The following ROR1 variants were observed in gnomAD, a reference collection of about 807,000 sequenced individuals.
ROR1 encodes inactive tyrosine-protein kinase transmembrane receptor ROR1.
In ROR1, 19 loss-of-function variants were observed where a neutral mutation model predicts 78.8. The observed-to-expected ratio is 0.24, with a 90% CI of 0.17 to 0.35. ROR1 has a LOEUF of 0.35. ROR1 is among the 10% of genes least tolerant of loss of function. The pLI, the probability that ROR1 is intolerant of heterozygous loss-of-function variation, is 1.00. For synonymous variants in ROR1, 386 were observed against 433.6 expected, an observed-to-expected ratio of 0.89 and a Z score of 1.36; for missense variants, 917 against 1,177.8, an observed-to-expected ratio of 0.78 and a Z score of 3.24.
At chr1:64,175,448 G>T (rs1463819021) in intron 8 of ROR1, among the ~76,000 whole-genome samples, 1 of 151,894 alleles carries the variant, frequency 6.6e-6, no homozygotes, top group Non-Finnish European at 1.5e-5. Context: ...GGGACATGGA[G>T]GTCATTGATA....
chr1:63,821,848 A>G (rs1027077251), intron 1 of ROR1, among the ~76,000 whole-genome samples: 2 of 152,186 alleles, frequency 1.3e-5, no homozygotes, highest in East Asian at 1.9e-4. Context: ...TATTCATGAA[A>G]TATTATCTGA....
At chr1:63,962,029 G>T (rs1273890386) in intron 1 of ROR1, among the ~76,000 whole-genome samples, 3 of 152,132 alleles carry the variant, frequency 2.0e-5, no homozygotes, top group Non-Finnish European at 4.4e-5. Flanking sequence ...AGAGGCCCAG[G>T]CAGGAGGATC....
chr1:63,976,679 A>G (rs562076315), intron 1 of ROR1, among the ~76,000 whole-genome samples: 2 of 152,294 alleles, frequency 1.3e-5, no homozygotes, highest in South Asian at 4.1e-4. Flanking sequence ...TCACTTGGTC[A>G]TATTGCTCAT....
chr1:63,847,934 A>G (rs1193676757), intron 1 of ROR1, among the ~76,000 whole-genome samples: 1 of 152,220 alleles, frequency 6.6e-6, no homozygotes, highest in Non-Finnish European at 1.5e-5. Flanking sequence ...TGAGGTGGCT[A>G]AGTGACATCT....
chr1:64,131,623 T>C (rs1648914874), intron 4 of ROR1, among the ~76,000 whole-genome samples: 1 of 152,104 alleles, frequency 6.6e-6, no homozygotes, highest in African/African-American at 2.4e-5. Flanking sequence ...TTTGTTATCG[T>C]TATGTTTTAA....
intron 1 of ROR1, among the ~76,000 whole-genome samples, chr1:63,911,667 G>GT (rs1351223324): frequency 6.6e-6 from 1 of 151,908 alleles, no homozygotes; most frequent in Non-Finnish European, 1.5e-5. Flanking sequence ...GCTGTAGATA[G>GT]TAGATACTGT....
At chr1:64,176,593 C>A (rs1001866712) in intron 8 of ROR1, among the ~76,000 whole-genome samples, 3 of 152,200 alleles carry the variant, frequency 2.0e-5, no homozygotes, top group African/African-American at 7.2e-5. Flanking sequence ...GTGTAACCAG[C>A]CACCACACTG....
At chr1:64,031,218 T>C (rs1646657227) in intron 2 of ROR1, among the ~76,000 whole-genome samples, 1 of 152,194 alleles carries the variant, frequency 6.6e-6, no homozygotes, top group African/African-American at 2.4e-5. Flanking sequence ...CTTGGAAATA[T>C]CCATACTAAC....
chr1:64,020,789 C>T lies in ROR1; in HGVS notation c.163+11413C>T, dbSNP rs76316251. Among the ~76,000 whole-genome samples the T allele has an allele frequency of 8.1e-3, 1,236 of 152,166 alleles. 16 individuals carry two copies. Among genetic ancestry groups the T allele is most frequent in the African/African-American group, 0.028 (1,181 of 41,480 alleles). On this transcript the variant is annotated intron_variant, in intron 2 of 8. Coordinates refer to ENST00000371079, the MANE Select transcript of ROR1 (RefSeq NM_005012.4). ...GAAAGGCAGTAAAGAATTCAGCAGACGGCGAGCTCTGCAACCCGTTGCAGA... is the reference window on the plus strand; with the variant it reads ...GAAAGGCAGTAAAGAATTCAGCAGATGGCGAGCTCTGCAACCCGTTGCAGA...
chr1:63,821,323 C>T (rs987261161), intron 1 of ROR1, among the ~76,000 whole-genome samples: 4 of 152,146 alleles, frequency 2.6e-5, no homozygotes, highest in South Asian at 2.1e-4. Context: ...CCTTCCTCTT[C>T]GGTTTTCAAT....
At chr1:64,153,206 T>C (rs1206290768) in intron 7 of ROR1, among the ~76,000 whole-genome samples, 3 of 151,892 alleles carry the variant, frequency 2.0e-5, no homozygotes, top group Non-Finnish European at 4.4e-5. Flanking sequence ...GAAATGCAAA[T>C]CAAAACTCCA....
intron 2 of ROR1, among the ~76,000 whole-genome samples, chr1:64,044,341 T>TC (rs1383720041): frequency 6.6e-6 from 1 of 152,152 alleles, no homozygotes; most frequent in Admixed American, 6.5e-5. Context: ...GGCTGTTAAG[T>TC]CCTCTGAACT....
At chr1:64,144,814 T>C (rs188839086) in intron 7 of ROR1, among the ~76,000 whole-genome samples, 1 of 152,250 alleles carries the variant, frequency 6.6e-6, no homozygotes, top group East Asian at 1.9e-4. Flanking sequence ...AGGTAAACAA[T>C]AAATATATAG....
intron 1 of ROR1, among the ~76,000 whole-genome samples, chr1:63,805,400 C>G (rs910955064): frequency 6.6e-6 from 1 of 152,140 alleles, no homozygotes; most frequent in African/African-American, 2.4e-5. Context: ...AGTATAGATC[C>G]TTCCTACCTC....
chr1:63,919,083 C>T (rs1645632891), intron 1 of ROR1, among the ~76,000 whole-genome samples: 1 of 152,090 alleles, frequency 6.6e-6, no homozygotes, highest in South Asian at 2.1e-4. Flanking sequence ...GACTAAAATG[C>T]TTTGAAACAT....
chr1:64,174,906 A>T (rs1057425967), intron 8 of ROR1, among the ~76,000 whole-genome samples: 7 of 152,098 alleles, frequency 4.6e-5, no homozygotes, highest in African/African-American at 1.7e-4. Context: ...AAGCTCCCAC[A>T]AGAATACAGA....
intron 1 of ROR1, among the ~76,000 whole-genome samples, chr1:63,868,837 AC>A (rs1237280680): frequency 3.3e-5 from 5 of 152,082 alleles, no homozygotes; most frequent in Non-Finnish European, 7.4e-5. Context: ...TAGAGAAGAA[AC>A]TTTATTCAAG....
chr1:63,926,336 G>T (rs974703186), intron 1 of ROR1, among the ~76,000 whole-genome samples: 5 of 151,596 alleles, frequency 3.3e-5, no homozygotes, highest in African/African-American at 1.2e-4. Flanking sequence ...GATATGTGGC[G>T]TTATTTCTGA....
chr1:63,999,444 C>T (rs1570037788), intron 1 of ROR1, among the ~76,000 whole-genome samples: 2 of 152,326 alleles, frequency 1.3e-5, no homozygotes, highest in East Asian at 3.9e-4. Context: ...ACATAAGCCT[C>T]ATCACCAAAA....
Sources: gnomAD v4.1 joint callset for allele counts (sites outside exome capture counted in the v4.1 genomes callset) on GRCh38, gnomAD v4.1.1 for gene constraint, MANE v1.5 for transcripts, NCBI Gene and HGNC (gene_info 2026-07-23, HGNC 2026-07-21) for gene names.